The following ZNF782 variants were observed in gnomAD, a reference collection of about 807,000 sequenced individuals.
ZNF782 encodes zinc finger protein 782.
ZNF782 carries 12 observed loss-of-function variants against 13.0 expected under a neutral mutation model. The ratio of observed to expected loss-of-function variants is 0.92; its 90% CI spans 0.59 to 1.50. The LOEUF (loss-of-function observed/expected upper bound fraction) is 1.50, where lower values mean the gene tolerates loss of function less well. ZNF782 is among the 40% of genes most tolerant of loss of function. The pLI, the probability that ZNF782 is intolerant of heterozygous loss-of-function variation, is 0.00. For synonymous variants in ZNF782, 284 were observed against 283.0 expected, an observed-to-expected ratio of 1.00 and a Z score of -0.04; for missense variants, 770 against 822.9, an observed-to-expected ratio of 0.94 and a Z score of 0.79.
chr9:96,897,296 T>C, the ZNF782 span, among the ~76,000 whole-genome samples: 3 of 152,204 alleles, frequency 2.0e-5, no homozygotes, highest in Non-Finnish European at 4.4e-5. Context: ...ACTCCTGTTG[T>C]GGCTCTTTTC....
In ZNF782 at chr9:96,818,482, G is replaced by C. The variant is rs769916258; in HGVS notation, c.1541C>G (p.Ala514Gly). The change falls in exon 6 of 6, where the codon GCT (alanine) becomes GGT (glycine). Residue 514 changes from alanine to glycine, a missense_variant. Transcript: ENST00000481138. Reference sequence around the variant, plus strand: ...CCTCAGGCCTGACTTCAGTTTGAAAGCTTTCCCACATTCATCACATTTATA... The same window carrying C: ...CCTCAGGCCTGACTTCAGTTTGAAACCTTTCCCACATTCATCACATTTATA... Reference protein sequence around the residue: ...RPYKCDECGKAFKLKSGLRKH... With the variant: ...RPYKCDECGKGFKLKSGLRKH... 1 of 1,614,068 alleles carries C rather than the reference G, an allele frequency of 6.2e-7. No homozygotes were observed. The highest frequency in any genetic ancestry group is 8.5e-7 in the Non-Finnish European group (1 of 1,180,014).
At chr9:96,820,561 T>C (rs1211074463) in intron 5 of ZNF782, among the ~76,000 whole-genome samples, 1 of 151,586 alleles carries the variant, frequency 6.6e-6, no homozygotes, top group African/African-American at 2.4e-5. Flanking sequence ...TTTTTTTTCT[T>C]TTTTTTGAGA....
At chr9:96,843,228 A>T (rs1028597026) in intron 4 of ZNF782, among the ~76,000 whole-genome samples, 2 of 152,206 alleles carry the variant, frequency 1.3e-5, no homozygotes, top group Non-Finnish European at 2.9e-5. Context: ...TTCACAAAAA[A>T]TCTGAACATG....
chr9:96,922,731 G>A, the ZNF782 span, among the ~76,000 whole-genome samples: 3 of 151,244 alleles, frequency 2.0e-5, no homozygotes, highest in Non-Finnish European at 4.4e-5. Flanking sequence ...CCGAGATCAC[G>A]CCACTGCACT....
intron 4 of ZNF782, among the ~76,000 whole-genome samples, chr9:96,841,473 T>G (rs893280331): frequency 1.3e-4 from 19 of 151,962 alleles, no homozygotes; most frequent in East Asian, 5.8e-4. Context: ...CAAAACTACT[T>G]AACAAAATAT....
chr9:96,927,607 CT>C, the ZNF782 span, among the ~76,000 whole-genome samples: 354 of 152,114 alleles, frequency 2.3e-3, 1 homozygote, highest in African/African-American at 7.9e-3. Flanking sequence ...ATATGTTACA[CT>C]TTTTTGGGAA....
At position 96,851,969 on chromosome 9, in the gene ZNF782, G is replaced by A. The variant is rs894825270; in HGVS notation, c.-8C>T. On this transcript the variant is annotated 5_prime_UTR_variant, in exon 3 of 6. Transcript: ENST00000481138. ...TACCTGAAATGTGTTCATTTTCTGT[G>A]GCTCTTGGGAGAGTATAGAGAACTG... The A allele has an allele frequency of 6.2e-7, 1 of 1,613,812 alleles. No individual in the cohort carries two copies. The highest frequency in any genetic ancestry group is 1.3e-5 in the African/African-American group (1 of 74,922).
At chr9:96,880,878 T>C in the ZNF782 span, among the ~76,000 whole-genome samples, 1 of 152,198 alleles carries the variant, frequency 6.6e-6, no homozygotes, top group Non-Finnish European at 1.5e-5. Context: ...CTTTAAAAGT[T>C]TGGTATAATT....
At chr9:96,930,507 G>A in the ZNF782 span, among the ~76,000 whole-genome samples, 1 of 140,490 alleles carries the variant, frequency 7.1e-6, no homozygotes, top group Non-Finnish European at 1.5e-5. Flanking sequence ...CTGGGTGACA[G>A]AGCGAGACTC....
rs781715998 is a variant in ZNF782, at chr9:96,818,991, T to C, written c.1032A>G (p.Thr344=). The C allele has an allele frequency of 7.4e-6, 12 of 1,614,086 alleles. No individual in the cohort carries two copies. The Admixed American group carries it at 1.8e-4, about 25-fold the overall frequency. ...AAGTTGACTGGTAGCTGAATGTCTCTGTACATGGGTGATAATCAGAGTATT... is the reference window on the plus strand; with the variant it reads ...AAGTTGACTGGTAGCTGAATGTCTCCGTACATGGGTGATAATCAGAGTATT... ...TDKYSDYHPC[T]ETFSYQSTFS... Residue 344 remains threonine, a synonymous_variant, in exon 6 of 6, where the codon ACA becomes ACG. Transcript: ENST00000481138.
rs1851300618 is a variant in ZNF782 at position 96,844,934 on chromosome 9, T to C, written c.98A>G (p.Tyr33Cys). ...GTAGTTCTCCAGCATCACATCTCTGTACAGGGTCCTCTCAACAGGGCCCAT... is the reference window on the plus strand; with the variant it reads ...GTAGTTCTCCAGCATCACATCTCTGCACAGGGTCCTCTCAACAGGGCCCAT... ...QHMGPVERTL[Y>C]RDVMLENYSH... Residue 33 changes from tyrosine (Y) to cysteine (C), a missense_variant, in exon 4 of 6, where the codon TAC (tyrosine) becomes TGC (cysteine). Transcript: ENST00000481138. The C allele has an allele frequency of 6.2e-7, 1 of 1,613,906 alleles. No individual in the cohort carries two copies. The highest frequency in any genetic ancestry group is 1.7e-5 in the Admixed American group (1 of 59,988).
At chr9:96,923,385 C>T in the ZNF782 span, among the ~76,000 whole-genome samples, 1 of 149,092 alleles carries the variant, frequency 6.7e-6, no homozygotes, top group South Asian at 2.2e-4. Flanking sequence ...ATACAAAGTC[C>T]ACCTCACAAC....
At chr9:96,914,055 G>C in the ZNF782 span, among the ~76,000 whole-genome samples, 1 of 151,566 alleles carries the variant, frequency 6.6e-6, no homozygotes, top group Non-Finnish European at 1.5e-5. Context: ...TGATAAGCTG[G>C]TGATTAGGGG....
At chr9:96,896,835 T>C in the ZNF782 span, among the ~76,000 whole-genome samples, 11 of 152,214 alleles carry the variant, frequency 7.2e-5, no homozygotes, top group African/African-American at 2.4e-4. Context: ...GGATACTATC[T>C]GAAGCCACTG....
intron 5 of ZNF782, among the ~76,000 whole-genome samples, chr9:96,825,243 A>G (rs1850576518): frequency 6.7e-6 from 1 of 149,588 alleles, no homozygotes; most frequent in Non-Finnish European, 1.5e-5. Context: ...GCCCTCAGAA[A>G]TAACGCCGCA....
rs745629076 is a variant in ZNF782 at position 96,816,403 on chromosome 9, A to G, written c.*1520T>C. 2.6e-5 allele frequency: 4 copies of G among 152,266 alleles called. No homozygotes were observed. Among genetic ancestry groups the G allele is most frequent in the Non-Finnish European group, 5.9e-5 (4 of 68,046 alleles). 9.4% of individuals were successfully genotyped at this position (152,266 alleles called of 1,614,324 possible). A position where few individuals can be genotyped will look rare whatever the true frequency, so the allele number is the denominator to read the frequency against. On this transcript the variant is annotated 3_prime_UTR_variant, in exon 6 of 6. Coordinates refer to ENST00000481138, the MANE Select transcript of ZNF782 (RefSeq NM_001001662.3). ...AGAAACATAAAACAAATACCTGGTAAGTACCATGCATATATACATACATAA... is the reference window on the plus strand; with the variant it reads ...AGAAACATAAAACAAATACCTGGTAGGTACCATGCATATATACATACATAA...
At chr9:96,911,496 C>T in the ZNF782 span, among the ~76,000 whole-genome samples, 1 of 134,404 alleles carries the variant, frequency 7.4e-6, no homozygotes, top group East Asian at 2.4e-4. Flanking sequence ...GCTTTTCTTA[C>T]AAGTTTTTTT....
rs200690424 is a variant in ZNF782 at position 96,818,801 on chromosome 9, G to C, written c.1222C>G (p.Arg408Gly). The part of the protein sequence containing the change: ...ECGKAFSEKS[R>G]LRKHQRTHTG... Reference sequence around the variant, plus strand: ...TGAGTTCTCTGATGTTTTCTTAGGCGTGACTTCTCACTGAAGGCTTTCCCG... The same window carrying C: ...TGAGTTCTCTGATGTTTTCTTAGGCCTGACTTCTCACTGAAGGCTTTCCCG... The change falls in exon 6 of 6, where the codon CGC (arginine) becomes GGC (glycine). Residue 408 changes from arginine (R) to glycine (G), a missense_variant. Transcript: ENST00000481138. 3.7e-6 allele frequency: 6 copies of C among 1,611,538 alleles called. No individual in the cohort carries two copies. Among genetic ancestry groups the C allele is most frequent in the South Asian group, 1.1e-5 (1 of 90,884 alleles).
intron 3 of ZNF782, among the ~76,000 whole-genome samples, chr9:96,849,080 T>A (rs1213142170): frequency 6.6e-6 from 1 of 152,114 alleles, no homozygotes; most frequent in Non-Finnish European, 1.5e-5. Flanking sequence ...AACGGGGGAA[T>A]GGACATCCTA....
Sources: gnomAD v4.1 joint callset for allele counts (sites outside exome capture counted in the v4.1 genomes callset) on GRCh38, gnomAD v4.1.1 for gene constraint, MANE v1.5 for transcripts, NCBI Gene and HGNC (gene_info 2026-07-23, HGNC 2026-07-21) for gene names.